The following STYK1 variants were observed in gnomAD, a reference collection of about 807,000 sequenced individuals.
The protein encoded by STYK1 is STY kinase 1, also known as tyrosine-protein kinase STYK1.
Under a neutral mutation model 48.1 loss-of-function variants are expected in STYK1, and 46 were observed. The ratio of observed to expected loss-of-function variants is 0.96; its 90% CI spans 0.75 to 1.22. STYK1 has a LOEUF of 1.22. Ranked by LOEUF, STYK1 falls within the 50% of genes most tolerant of loss-of-function variation. The pLI, the probability that STYK1 is intolerant of heterozygous loss-of-function variation, is 0.00. For missense variants in STYK1, 527 were observed against 521.1 expected, an observed-to-expected ratio of 1.01 and a Z score of -0.11; for synonymous variants, 188 against 189.0, an observed-to-expected ratio of 0.99 and a Z score of 0.04.
At chr12:10,652,979 C>T (rs574597767) in intron 1 of STYK1, among the ~76,000 whole-genome samples, 1 of 152,280 alleles carries the variant, frequency 6.6e-6, no homozygotes, top group East Asian at 1.9e-4. Flanking sequence ...AGAAACTTCT[C>T]CTGAAATAGG....
chr12:10,644,627 T>C (rs1947580137), intron 1 of STYK1, among the ~76,000 whole-genome samples: 1 of 152,180 alleles, frequency 6.6e-6, no homozygotes, highest in Non-Finnish European at 1.5e-5. Flanking sequence ...ATAATCATTT[T>C]TTGGATTACA....
At chr12:10,671,383 C>T (rs1456986070) in intron 1 of STYK1, among the ~76,000 whole-genome samples, 5 of 152,012 alleles carry the variant, frequency 3.3e-5, no homozygotes, top group Admixed American at 3.3e-4. Flanking sequence ...GAAAGATTAC[C>T]CTGGAATACT....
At chr12:10,635,261 C>T (rs1451105436) in intron 2 of STYK1, among the ~76,000 whole-genome samples, 2 of 152,174 alleles carry the variant, frequency 1.3e-5, no homozygotes, top group African/African-American at 4.8e-5. Context: ...TCTGGAATTA[C>T]AGGCATGAGC....
At chr12:10,631,438 A>G (rs923509947) in intron 4 of STYK1, 130 bp from the exon 5 acceptor site, 36 of 1,120,118 alleles carry the variant, frequency 3.2e-5, no homozygotes, top group Non-Finnish European at 4.0e-5. Context: ...TTGTCTTCTG[A>G]TGCTTCTCTA....
intron 4 of STYK1, among the ~76,000 whole-genome samples, chr12:10,633,759 G>A (rs1237701317): frequency 6.6e-6 from 1 of 152,074 alleles, no homozygotes; most frequent in Non-Finnish European, 1.5e-5. Context: ...CAGGTTATAT[G>A]AGGTTTTTCT....
intron 1 of STYK1, among the ~76,000 whole-genome samples, chr12:10,638,894 C>T (rs1181581728): frequency 6.6e-6 from 1 of 152,204 alleles, no homozygotes. Context: ...TTACTGCTTG[C>T]TTATCAACAC....
intron 4 of STYK1, among the ~76,000 whole-genome samples, chr12:10,631,765 C>T (rs1947431930): frequency 1.3e-5 from 2 of 152,170 alleles, no homozygotes; most frequent in Non-Finnish European, 2.9e-5. Flanking sequence ...GTTATTCTTC[C>T]TCCTTTGAGT....
intron 9 of STYK1, 135 bp downstream of exon 9, chr12:10,622,503 A>G: frequency 1.1e-6 from 1 of 918,820 alleles, no homozygotes; most frequent in Middle Eastern, 2.2e-4. Context: ...AATCAGGCTT[A>G]GATAACATGT....
Position 10,624,724 on chromosome 12 carries a change from T to C in STYK1, c.853A>G (p.Thr285Ala). Residue 285 changes from threonine (T) to alanine (A), a missense_variant, in exon 8 of 11, where the codon ACT becomes GCT. Coordinates refer to ENST00000075503, the MANE Select transcript of STYK1 (RefSeq NM_018423.3). Reference sequence around the variant, plus strand: ...AGCCACTTGAGAGGTATGGTTTGAGTAGAGGAGATGGCCCCTCGGGTGTAA... The same window carrying C: ...AGCCACTTGAGAGGTATGGTTTGAGCAGAGGAGATGGCCCCTCGGGTGTAA... ...EVYTRGAISS[T>A]QTIPLKWLAP... 6.2e-7 allele frequency: 1 copy of C among 1,614,020 alleles called. No individual in the cohort carries two copies. The highest frequency in any genetic ancestry group is 1.1e-5 in the South Asian group (1 of 91,078).
chr12:10,629,168 C>T (rs1591677871), intron 6 of STYK1, among the ~76,000 whole-genome samples: 1 of 152,110 alleles, frequency 6.6e-6, no homozygotes. Flanking sequence ...TTGTACTGTC[C>T]ACTCTCTGCT....
chr12:10,662,600 C>G (rs1413577674), intron 1 of STYK1, among the ~76,000 whole-genome samples: 1 of 152,162 alleles, frequency 6.6e-6, no homozygotes, highest in Non-Finnish European at 1.5e-5. Context: ...ATTTGCATTT[C>G]CCTGATGATA....
At chr12:10,667,907 A>AAG (rs928206514) in intron 1 of STYK1, among the ~76,000 whole-genome samples, 1 of 152,142 alleles carries the variant, frequency 6.6e-6, no homozygotes, top group Non-Finnish European at 1.5e-5. Context: ...AGGTATAGGG[A>AAG]AGAAAAGCTA....
At chr12:10,632,311 A>C (rs1414524753) in intron 4 of STYK1, among the ~76,000 whole-genome samples, 3 of 152,202 alleles carry the variant, frequency 2.0e-5, no homozygotes, top group Non-Finnish European at 4.4e-5. Context: ...CATTTGAGAA[A>C]GGCCTGGAAG....
chr12:10,638,436 G>A (rs753891851), intron 1 of STYK1, among the ~76,000 whole-genome samples: 1 of 152,132 alleles, frequency 6.6e-6, no homozygotes, highest in Non-Finnish European at 1.5e-5. Context: ...GTGAAATGAG[G>A]AGTAAAGTCC....
chr12:10,641,933 G>T (rs1394169103), intron 1 of STYK1, among the ~76,000 whole-genome samples: 1 of 152,220 alleles, frequency 6.6e-6, no homozygotes. Context: ...GAGATTGGAA[G>T]TTCTAGTTCT....
At chr12:10,655,214 G>A (rs923870416) in intron 1 of STYK1, among the ~76,000 whole-genome samples, 2 of 152,164 alleles carry the variant, frequency 1.3e-5, no homozygotes, top group Non-Finnish European at 2.9e-5. Context: ...ACACAGGCTT[G>A]GGACTCCATA....
chr12:10,620,307 T>C lies in STYK1; in HGVS notation c.1106A>G (p.Asp369Gly). ...GCGCAGCTCTCTAGGTGAGGGGCGGTCAGCCTCACGCCAGCGCCAGCAGGA... is the reference window on the plus strand; with the variant it reads ...GCGCAGCTCTCTAGGTGAGGGGCGGCCAGCCTCACGCCAGCGCCAGCAGGA... ...MKSCWRWREA[D>G]RPSPRELRLR... is the part of the protein sequence containing the mutation. Residue 369 changes from aspartate (D) to glycine (G), a missense_variant, in exon 11 of 11, where the codon GAC (aspartate) becomes GGC (glycine). Coordinates refer to ENST00000075503, the MANE Select transcript of STYK1 (RefSeq NM_018423.3). The C allele has an allele frequency of 6.2e-7, 1 of 1,613,680 alleles. No homozygotes were observed. Among genetic ancestry groups the C allele is most frequent in the East Asian group, 2.2e-5 (1 of 44,880 alleles).
At chr12:10,659,536 A>G (rs567614354) in intron 1 of STYK1, among the ~76,000 whole-genome samples, 1 of 151,720 alleles carries the variant, frequency 6.6e-6, no homozygotes, top group African/African-American at 2.4e-5. Context: ...TAGTCCCTGT[A>G]CAGGGTTCCT....
chr12:10,630,000 G>A (rs1947404718), intron 5 of STYK1, among the ~76,000 whole-genome samples: 1 of 147,216 alleles, frequency 6.8e-6, no homozygotes, highest in South Asian at 2.1e-4. Flanking sequence ...CTTGTTCTAT[G>A]TATCCACCAT....
Sources: gnomAD v4.1 joint callset for allele counts (sites outside exome capture counted in the v4.1 genomes callset) on GRCh38, gnomAD v4.1.1 for gene constraint, MANE v1.5 for transcripts, NCBI Gene and HGNC (gene_info 2026-07-23, HGNC 2026-07-21) for gene names.